ALPK2: variants seen among roughly 807,000 people sequenced by gnomAD.
ALPK2 encodes alpha kinase 2, also known as alpha-protein kinase 2.
In ALPK2, 127 loss-of-function variants were observed where a neutral mutation model predicts 163.1. The ratio of observed to expected loss-of-function variants is 0.78; its 90% confidence interval spans 0.67 to 0.90. ALPK2 has a LOEUF of 0.90. Ranked by LOEUF, ALPK2 falls within the 40% of genes least tolerant of loss-of-function variation. The pLI is 0.00. For missense variants in ALPK2, 2,360 were observed against 2,589.6 expected (o/e 0.91, Z 1.92); for synonymous variants, 953 against 959.1 (o/e 0.99, Z 0.12).
chr18:58,569,185 G>A (rs1424878905), intron 4 of ALPK2, among the ~76,000 whole-genome samples: 1 of 152,234 alleles, frequency 6.6e-6, no homozygotes, highest in Admixed American at 6.5e-5. Context: ...CAACCTGGGT[G>A]ACAGAGACCC....
chr18:58,484,175 G>A (rs551437902), intron 12 of ALPK2, among the ~76,000 whole-genome samples: 8 of 152,256 alleles, frequency 5.3e-5, no homozygotes, highest in African/African-American at 1.9e-4. Context: ...TGTTCAGAAT[G>A]CGTTTTCATT....
intron 10 of ALPK2, 92 bp from the exon 11 acceptor site, chr18:58,504,240 G>T: frequency 9.1e-7 from 1 of 1,098,896 alleles, no homozygotes; most frequent in Non-Finnish European, 1.3e-6. Context: ...GCAGCACGGA[G>T]CATAGAATTT....
At chr18:58,625,442 T>C (rs1188120206) in intron 1 of ALPK2, among the ~76,000 whole-genome samples, 1 of 152,226 alleles carries the variant, frequency 6.6e-6, no homozygotes, top group Admixed American at 6.5e-5. Context: ...AAGAAATGGC[T>C]ACAGCAGTGG....
chr18:58,557,899 T>C (rs903068983), intron 4 of ALPK2, among the ~76,000 whole-genome samples: 2 of 151,932 alleles, frequency 1.3e-5, no homozygotes, highest in African/African-American at 4.8e-5. Context: ...CAGTGAGCTA[T>C]GATCACACCA....
intron 4 of ALPK2, among the ~76,000 whole-genome samples, chr18:58,565,602 G>A (rs1256646380): frequency 4.0e-5 from 6 of 151,866 alleles, no homozygotes; most frequent in Admixed American, 3.9e-4. Flanking sequence ...ATATACCCTG[G>A]AAATTAATCT....
intron 10 of ALPK2, among the ~76,000 whole-genome samples, chr18:58,513,099 G>T (rs1568071023): frequency 1.4e-5 from 2 of 146,566 alleles, no homozygotes; most frequent in South Asian, 4.4e-4. Context: ...TGTGTGTGTG[G>T]TATGTGTGTT....
intron 12 of ALPK2, among the ~76,000 whole-genome samples, chr18:58,492,671 C>T (rs143986046): frequency 6.6e-6 from 1 of 152,328 alleles, no homozygotes; most frequent in Non-Finnish European, 1.5e-5. Context: ...AGCTGGATGA[C>T]AAGCGATGCA....
intron 4 of ALPK2, among the ~76,000 whole-genome samples, chr18:58,552,821 G>T (rs570661086): frequency 1.3e-5 from 2 of 152,180 alleles, no homozygotes; most frequent in African/African-American, 4.8e-5. Context: ...GGTGGCTGGG[G>T]GAATGGAGAG....
chr18:58,614,734 C>A (rs1482983335), intron 1 of ALPK2, among the ~76,000 whole-genome samples: 1 of 152,076 alleles, frequency 6.6e-6, no homozygotes, highest in East Asian at 1.9e-4. Context: ...CTCTTACAGC[C>A]TTAATGAGAT....
chr18:58,486,027 G>A (rs1041166429), intron 12 of ALPK2, among the ~76,000 whole-genome samples: 4 of 152,178 alleles, frequency 2.6e-5, no homozygotes, highest in Non-Finnish European at 4.4e-5. Context: ...CTCCCTTGCC[G>A]GCAGGTGTTA....
At chr18:58,606,089 T>A (rs1325678457) in intron 3 of ALPK2, among the ~76,000 whole-genome samples, 1 of 152,220 alleles carries the variant, frequency 6.6e-6, no homozygotes, top group African/African-American at 2.4e-5. Flanking sequence ...ACATATTTAC[T>A]TATTTTTGTG....
At chr18:58,511,906 C>T (rs1349948509) in intron 10 of ALPK2, 2 of 152,228 alleles carry the variant, frequency 1.3e-5, no homozygotes, top group African/African-American at 2.4e-5. Flanking sequence ...GGACACAAGG[C>T]CCCTCTAATA....
chr18:58,599,943 C>T, intron 3 of ALPK2, among the ~76,000 whole-genome samples: 1 of 147,364 alleles, frequency 6.8e-6, no homozygotes, highest in South Asian at 2.2e-4. Context: ...AAAAGATTGT[C>T]TGTTCTTTGT....
At chr18:58,516,844 C>G in intron 9 of ALPK2, 64 bp downstream of exon 9, 1 of 1,551,272 alleles carries the variant, frequency 6.4e-7, no homozygotes, top group Non-Finnish European at 8.8e-7. Flanking sequence ...GTCTGATTTT[C>G]ATCTCGTCTT....
chr18:58,521,895 G>A (rs892635413), intron 8 of ALPK2, among the ~76,000 whole-genome samples: 4 of 151,958 alleles, frequency 2.6e-5, no homozygotes, highest in African/African-American at 4.8e-5. Flanking sequence ...CCAAAGTGCT[G>A]GGATTACAGG....
intron 8 of ALPK2, among the ~76,000 whole-genome samples, chr18:58,517,579 C>T (rs373697989): frequency 6.6e-6 from 1 of 152,098 alleles, no homozygotes; most frequent in Non-Finnish European, 1.5e-5. Flanking sequence ...ACCTTTCTTT[C>T]ATTATTGCCC....
At chr18:58,590,985 C>T (rs773475000) in intron 3 of ALPK2, among the ~76,000 whole-genome samples, 1 of 152,152 alleles carries the variant, frequency 6.6e-6, no homozygotes, top group Non-Finnish European at 1.5e-5. Context: ...CAAAGAGAGA[C>T]AGTAGATTGG....
intron 3 of ALPK2, among the ~76,000 whole-genome samples, chr18:58,606,059 C>A (rs2052096378): frequency 6.6e-6 from 1 of 152,222 alleles, no homozygotes; most frequent in Middle Eastern, 3.4e-3. Context: ...AAAATGATGT[C>A]TGATGTTTAT....
At chr18:58,538,372 C>G (rs768529240) in intron 4 of ALPK2, 148 bp from the exon 5 acceptor site, 2 of 771,422 alleles carry the variant, frequency 2.6e-6, no homozygotes, top group Non-Finnish European at 4.0e-6. Context: ...CCAACTCCCT[C>G]TAGCTATTAG....
Sources: allele counts gnomAD v4.1 joint callset (sites outside exome capture counted in the v4.1 genomes callset), GRCh38; gene constraint gnomAD v4.1.1; transcripts MANE v1.5; gene names NCBI Gene and HGNC (gene_info 2026-07-23, HGNC 2026-07-21).